Variants in SPOCK1 observed in about 807,000 individuals in gnomAD.
SPOCK1 encodes the protein testican-1.
Under a neutral mutation model 55.3 loss-of-function variants are expected in SPOCK1, and 23 were observed. That is an observed-to-expected ratio of 0.42 (90% CI 0.30 to 0.59). The LOEUF (loss-of-function observed/expected upper bound fraction) is 0.59. SPOCK1 is among the 20% of genes least tolerant of loss of function. The probability of loss-of-function intolerance (pLI) is 0.22; values close to 1 mark genes in which losing one functional copy is unlikely to be tolerated. For missense variants in SPOCK1, 499 were observed against 552.5 expected (o/e 0.90, Z 0.97); for synonymous variants, 226 against 221.0 (o/e 1.02, Z -0.20).
intron 2 of SPOCK1, among the ~76,000 whole-genome samples, chr5:137,463,929 C>T (rs546750132): frequency 8.5e-4 from 129 of 152,132 alleles, no homozygotes; most frequent in African/African-American, 3.0e-3. Flanking sequence ...GCCTGGGCAA[C>T]AGAGCAAGAT....
chr5:137,108,749 G>A (rs1034333590), intron 5 of SPOCK1, among the ~76,000 whole-genome samples: 5 of 152,202 alleles, frequency 3.3e-5, no homozygotes, highest in Admixed American at 2.6e-4. Context: ...AGGAATATCA[G>A]GATGCTGTTT....
At chr5:137,233,616 C>A (rs1317803935) in intron 3 of SPOCK1, among the ~76,000 whole-genome samples, 1 of 149,644 alleles carries the variant, frequency 6.7e-6, no homozygotes, top group Non-Finnish European at 1.5e-5. Flanking sequence ...CTATACATGT[C>A]TTAAGTGTAT....
At chr5:137,102,622 A>G (rs918157785) in intron 5 of SPOCK1, among the ~76,000 whole-genome samples, 4 of 152,154 alleles carry the variant, frequency 2.6e-5, no homozygotes, top group Non-Finnish European at 5.9e-5. Context: ...ATTTTACATT[A>G]CTTTTCAGAT....
chr5:137,363,041 A>G (rs1750984168), intron 2 of SPOCK1, among the ~76,000 whole-genome samples: 1 of 152,240 alleles, frequency 6.6e-6, no homozygotes, highest in African/African-American at 2.4e-5. Context: ...AGAGGCCCTC[A>G]TGACAGTAAT....
intron 3 of SPOCK1, among the ~76,000 whole-genome samples, chr5:137,170,465 T>C (rs1416613952): frequency 6.6e-6 from 1 of 152,124 alleles, no homozygotes; most frequent in Non-Finnish European, 1.5e-5. Flanking sequence ...TGGCCCCTAA[T>C]GTGATGATAT....
At chr5:137,248,704 T>C (rs1484479734) in intron 3 of SPOCK1, among the ~76,000 whole-genome samples, 1 of 152,220 alleles carries the variant, frequency 6.6e-6, no homozygotes. Flanking sequence ...CAGTCTTACA[T>C]GTTCATCATG....
At chr5:137,188,831 G>T (rs961443290) in intron 3 of SPOCK1, among the ~76,000 whole-genome samples, 5 of 152,224 alleles carry the variant, frequency 3.3e-5, no homozygotes, top group African/African-American at 9.6e-5. Context: ...TAGCCAAGTT[G>T]TGAATACAAA....
At chr5:137,359,562 G>A (rs904749435) in intron 2 of SPOCK1, among the ~76,000 whole-genome samples, 1 of 152,182 alleles carries the variant, frequency 6.6e-6, no homozygotes, top group Non-Finnish European at 1.5e-5. Context: ...AGCCAACCCT[G>A]CAGGATAGTG....
intron 3 of SPOCK1, among the ~76,000 whole-genome samples, chr5:137,212,277 T>C (rs1004978319): frequency 6.6e-6 from 1 of 152,070 alleles, no homozygotes; most frequent in African/African-American, 2.4e-5. Context: ...AGTTATTCTG[T>C]ATTGAGTGTG....
intron 5 of SPOCK1, among the ~76,000 whole-genome samples, chr5:137,091,954 C>A (rs1472044319): frequency 6.6e-6 from 1 of 152,126 alleles, no homozygotes; most frequent in African/African-American, 2.4e-5. Context: ...TCCTTATAAA[C>A]ACGATAAACT....
chr5:137,462,931 T>A (rs541781292), intron 2 of SPOCK1, among the ~76,000 whole-genome samples: 1 of 152,254 alleles, frequency 6.6e-6, no homozygotes, highest in South Asian at 2.1e-4. Context: ...CAACAAGTGC[T>A]GATAGTTTCG....
intron 4 of SPOCK1, among the ~76,000 whole-genome samples, chr5:137,115,610 C>T (rs1279366202): frequency 2.6e-5 from 4 of 152,214 alleles, no homozygotes; most frequent in African/African-American, 2.4e-5. Context: ...TCCTAGGACA[C>T]GTTGGGGGCT....
chr5:137,076,955 G>T (rs548757535), intron 5 of SPOCK1, among the ~76,000 whole-genome samples: 2 of 151,906 alleles, frequency 1.3e-5, no homozygotes, highest in African/African-American at 2.4e-5. Context: ...ACAGAGTCTC[G>T]CTCTGTTGCC....
chr5:136,977,331 AG>A lies in SPOCK1; in HGVS notation c.*1322del, dbSNP rs3214251. 0.36 allele frequency: 54,325 copies of A among 150,228 alleles called. 11,493 individuals are homozygous for A. Among genetic ancestry groups the A allele is most frequent in the South Asian group, 0.54 (2,560 of 4,718 alleles). The allele number at this position is 150,228 out of a possible 1,614,324, so 9.3% of individuals were successfully genotyped here. On this transcript the variant is annotated 3_prime_UTR_variant, in exon 11 of 11. Transcript: ENST00000394945. The stretch of plus-strand genomic sequence containing the variant: ...TAGTATCTTGTCACTTGGGGGAGTG[AG>A]GGGGGGACAGAATTTGCTCTTAAAA...
intron 6 of SPOCK1, among the ~76,000 whole-genome samples, chr5:137,002,458 A>G (rs1400905545): frequency 3.3e-5 from 5 of 151,676 alleles, no homozygotes; most frequent in Non-Finnish European, 5.9e-5. Flanking sequence ...GATAAAATCC[A>G]CAGCCACTTT....
chr5:137,079,541 C>CCG (rs1554096429), intron 5 of SPOCK1, among the ~76,000 whole-genome samples: 1 of 149,482 alleles, frequency 6.7e-6, no homozygotes, highest in African/African-American at 2.5e-5. Context: ...ATTCCCCCCC[C>CCG]CCCCGACTTA....
intron 9 of SPOCK1, among the ~76,000 whole-genome samples, chr5:136,984,360 C>T (rs1238996581): frequency 6.9e-6 from 1 of 144,948 alleles, no homozygotes; most frequent in Non-Finnish European, 1.5e-5. Flanking sequence ...TTGGGGAATG[C>T]ATCTGCCTCT....
Position 137,155,117 on chromosome 5 carries a change from T to C in SPOCK1, c.233-14423A>G, listed in dbSNP as rs934254602. Among the ~76,000 whole-genome samples, 26 of 152,214 alleles carry C rather than the reference T, an allele frequency of 1.7e-4. 1 individual carries two copies. The highest frequency in any genetic ancestry group is 5.5e-4 in the African/African-American group (23 of 41,458). On this transcript the variant is annotated intron_variant, in intron 3 of 10. Coordinates refer to ENST00000394945, the MANE Select transcript of SPOCK1 (RefSeq NM_004598.4). ...GCTTAACATTGATCTTTGCAAGTCC[T>C]CGGTAAGTGTTAGTTTCAACTCTTT...
chr5:137,035,426 G>A (rs766096158), intron 6 of SPOCK1, among the ~76,000 whole-genome samples: 2 of 152,208 alleles, frequency 1.3e-5, no homozygotes, highest in Non-Finnish European at 2.9e-5. Context: ...TCTCTGCAAG[G>A]TGGCTATTTT....
Sources: allele counts gnomAD v4.1 joint callset (sites outside exome capture counted in the v4.1 genomes callset), GRCh38; gene constraint gnomAD v4.1.1; transcripts MANE v1.5; gene names NCBI Gene and HGNC (gene_info 2026-07-23, HGNC 2026-07-21).